TSPAN12: variants seen among roughly 807,000 people sequenced by gnomAD.
TSPAN12 encodes the protein tetraspanin-12.
In TSPAN12, 19 loss-of-function variants were observed where a neutral mutation model predicts 39.2. The observed-to-expected ratio is 0.49, with a 90% confidence interval of 0.34 to 0.71. The LOEUF is 0.71. TSPAN12 is among the 30% of genes least tolerant of loss of function. The pLI, the probability that TSPAN12 is intolerant of heterozygous loss-of-function variation, is 0.01. For synonymous variants in TSPAN12, 119 were observed against 124.8 expected (o/e 0.95, Z 0.31); for missense variants, 314 against 359.9 (o/e 0.87, Z 1.03).
chr7:120,832,972 C>G (rs923736938), intron 4 of TSPAN12, among the ~76,000 whole-genome samples: 1 of 152,036 alleles, frequency 6.6e-6, no homozygotes, highest in Non-Finnish European at 1.5e-5. Flanking sequence ...TAGTTAAATG[C>G]CTTATAACAG....
rs1180544098 is a variant in TSPAN12 at position 120,799,546 on chromosome 7, A to AATTATATATAATTATATATAAT, written c.612+7002_612+7003insATTATATATAATTATATATAAT. Among the ~76,000 whole-genome samples the AATTATATATAATTATATATAAT allele has an allele frequency of 5.0e-3, 516 of 103,640 alleles. 8 individuals are homozygous for AATTATATATAATTATATATAAT. The highest frequency in any genetic ancestry group is 0.02 in the African/African-American group (491 of 24,344). The allele number at this position is 103,640 out of a possible 152,430, so 68.0% of individuals were successfully genotyped here. On this transcript the variant is annotated intron_variant, in intron 7 of 7. Transcript: ENST00000222747. ...TAATTATATATAATTATATATAATT[A>AATTATATATAATTATATATAAT]TATATATAATTAAATATAATTATTT...
At chr7:120,837,375 G>A (rs547060368) in intron 4 of TSPAN12, among the ~76,000 whole-genome samples, 85 of 149,480 alleles carry the variant, frequency 5.7e-4, no homozygotes, top group African/African-American at 2.1e-3. Flanking sequence ...GCAGTGACGT[G>A]ATCTCGGCTC....
chr7:120,821,371 A>G (rs1369041635), intron 4 of TSPAN12, among the ~76,000 whole-genome samples: 1 of 151,988 alleles, frequency 6.6e-6, no homozygotes, highest in Non-Finnish European at 1.5e-5. Context: ...GAGTGCCTTC[A>G]TATTTTAGGT....
At chr7:120,833,701 T>G (rs1296731919) in intron 4 of TSPAN12, among the ~76,000 whole-genome samples, 2 of 152,174 alleles carry the variant, frequency 1.3e-5, no homozygotes, top group Non-Finnish European at 2.9e-5. Flanking sequence ...AGCATATATT[T>G]GCATCACATC....
chr7:120,846,433 G>A (rs925865643), intron 2 of TSPAN12, among the ~76,000 whole-genome samples: 4 of 152,134 alleles, frequency 2.6e-5, no homozygotes, highest in African/African-American at 7.2e-5. Context: ...GCTTTTAGTC[G>A]TGTCAAAACA....
chr7:120,828,556 C>T (rs1402473664), intron 4 of TSPAN12, among the ~76,000 whole-genome samples: 1 of 152,050 alleles, frequency 6.6e-6, no homozygotes, highest in African/African-American at 2.4e-5. Context: ...GCCCCTTGCC[C>T]TTCTCCATCA....
chr7:120,826,638 C>CCT (rs1228502951), intron 4 of TSPAN12, among the ~76,000 whole-genome samples: 1 of 152,156 alleles, frequency 6.6e-6, no homozygotes, highest in Admixed American at 6.6e-5. Flanking sequence ...CCTTATCGTG[C>CCT]CTCTCCCTCA....
chr7:120,790,082 G>C (rs1793492016), intron 7 of TSPAN12, among the ~76,000 whole-genome samples: 1 of 152,070 alleles, frequency 6.6e-6, no homozygotes, highest in African/African-American at 2.4e-5. Context: ...ATTGCATTTT[G>C]CTGTGGACCG....
Position 120,788,464 on chromosome 7 carries a change from G to A in TSPAN12, c.*128C>T. 9.0e-7 allele frequency: 1 copy of A among 1,111,360 alleles called. No homozygotes were observed. The highest frequency in any genetic ancestry group is 1.3e-6 in the Non-Finnish European group (1 of 749,960). 68.8% of individuals were successfully genotyped at this position (1,111,360 alleles called of 1,614,324 possible). A position where few individuals can be genotyped will look rare whatever the true frequency, so the allele number is the denominator to read the frequency against. Reference sequence around the variant, plus strand: ...CATCCTCATTTTAAAGCATAGAATAGTATATGCTTAGGTGTTATTTTATGG... The same window carrying A: ...CATCCTCATTTTAAAGCATAGAATAATATATGCTTAGGTGTTATTTTATGG... On this transcript the variant is annotated 3_prime_UTR_variant, in exon 8 of 8. Transcript: ENST00000222747.
chr7:120,813,873 T>C (rs772550374), intron 5 of TSPAN12: 4 of 158,324 alleles, frequency 2.5e-5, no homozygotes, highest in Non-Finnish European at 4.2e-5. Flanking sequence ...GGAGAAAATA[T>C]GATTTTCAAA....
At chr7:120,841,659 C>T (rs1794581635) in intron 2 of TSPAN12, among the ~76,000 whole-genome samples, 1 of 151,266 alleles carries the variant, frequency 6.6e-6, no homozygotes, top group African/African-American at 2.4e-5. Flanking sequence ...TCTTTATTTT[C>T]TAGACTTATA....
intron 7 of TSPAN12, among the ~76,000 whole-genome samples, chr7:120,804,795 T>C (rs938358938): frequency 6.6e-6 from 1 of 152,096 alleles, no homozygotes; most frequent in African/African-American, 2.4e-5. Flanking sequence ...TTGTCCAATA[T>C]GACTGTTGTT....
At chr7:120,833,496 C>G (rs1340417280) in intron 4 of TSPAN12, among the ~76,000 whole-genome samples, 2 of 151,774 alleles carry the variant, frequency 1.3e-5, no homozygotes, top group Admixed American at 6.6e-5. Context: ...AGATCTGGTT[C>G]AATCACTCTA....
chr7:120,811,787 G>A (rs1187842682), intron 5 of TSPAN12, among the ~76,000 whole-genome samples: 1 of 152,114 alleles, frequency 6.6e-6, no homozygotes, highest in East Asian at 1.9e-4. Flanking sequence ...TATTCTAAGT[G>A]AAGTAACTCA....
chr7:120,800,736 T>C (rs1793750435), intron 7 of TSPAN12, among the ~76,000 whole-genome samples: 1 of 145,564 alleles, frequency 6.9e-6, no homozygotes, highest in Admixed American at 7.2e-5. Flanking sequence ...AATAAAGTTT[T>C]CCTTATCGTT....
intron 5 of TSPAN12, among the ~76,000 whole-genome samples, chr7:120,814,575 CA>C (rs1347894643): frequency 1.3e-5 from 2 of 152,162 alleles, no homozygotes; most frequent in Admixed American, 6.5e-5. Flanking sequence ...CACAGACATG[CA>C]AAAGTGTTCG....
chr7:120,791,844 G>A (rs1793529951), intron 7 of TSPAN12, among the ~76,000 whole-genome samples: 1 of 152,072 alleles, frequency 6.6e-6, no homozygotes, highest in South Asian at 2.1e-4. Flanking sequence ...AGAATGGGAG[G>A]GGTCCTTGGA....
At chr7:120,857,081 C>T (rs1171189231) in intron 1 of TSPAN12, 1 of 442,534 alleles carries the variant, frequency 2.3e-6, no homozygotes, top group African/African-American at 2.0e-5. Flanking sequence ...TGAATGAAGT[C>T]GCACAGTAAA....
chr7:120,844,998 G>C (rs1794645952), intron 2 of TSPAN12, among the ~76,000 whole-genome samples: 1 of 152,140 alleles, frequency 6.6e-6, no homozygotes, highest in African/African-American at 2.4e-5. Flanking sequence ...CTCTGAAATT[G>C]AGTCAGAGGC....
Sources: gnomAD v4.1 joint callset for allele counts (sites outside exome capture counted in the v4.1 genomes callset) on GRCh38, gnomAD v4.1.1 for gene constraint, MANE v1.5 for transcripts, NCBI Gene and HGNC (gene_info 2026-07-23, HGNC 2026-07-21) for gene names.